The following DNAH11 variants were observed in gnomAD, a reference collection of about 807,000 sequenced individuals.
DNAH11 encodes dynein axonemal heavy chain 11.
A neutral mutation model predicts 526.0 loss-of-function variants in DNAH11; 442 were observed. That is an observed-to-expected ratio of 0.84 (90% CI 0.78 to 0.91). DNAH11 has a LOEUF of 0.91. DNAH11 is among the 40% of genes least tolerant of loss of function. The pLI, the probability that DNAH11 is intolerant of heterozygous loss-of-function variation, is 0.00. For synonymous variants in DNAH11, 2,461 were observed against 1,935.9 expected (o/e 1.27, Z -7.12); for missense variants, 6,989 against 5,448.7 (o/e 1.28, Z -8.90).
rs568461642 is a variant in DNAH11, at chr7:21,545,031, T to C, written c.377T>C (p.Leu126Pro). 1 of 1,594,318 alleles carries C rather than the reference T, an allele frequency of 6.3e-7. No individual in the cohort carries two copies. Among genetic ancestry groups the C allele is most frequent in the Non-Finnish European group, 8.5e-7 (1 of 1,169,872 alleles). ...ATTCCAAGAGATGCAAACCATAAACTTGTTTTTATTTCCAAGAAGATTACT... is the reference window on the plus strand; with the variant it reads ...ATTCCAAGAGATGCAAACCATAAACCTGTTTTTATTTCCAAGAAGATTACT... ...QEIPRDANHK[L>P]VFISKKITES... Residue 126 changes from leucine (L) to proline (P), a missense_variant, in exon 2 of 82, where the codon CTT (leucine) becomes CCT (proline). Leu to Pro is a moderately conservative substitution (Grantham distance 98). Transcript: ENST00000409508.
chr7:21,570,066 T>C lies in DNAH11; in HGVS notation c.1195-3T>C. ...ATCATTGTTCCCTTTCATTAAATCC[T>C]AGGCAACAGCTTACCTTTCACCTGA... is the stretch of plus-strand genomic sequence containing the variant. On this transcript the variant is annotated splice_region_variant and splice_polypyrimidine_tract_variant and intron_variant, in intron 6 of 81. Coordinates refer to ENST00000409508, the MANE Select transcript of DNAH11 (RefSeq NM_001277115.2). 2.5e-6 allele frequency: 4 copies of C among 1,589,368 alleles called. No homozygotes were observed. Among genetic ancestry groups the C allele is most frequent in the Non-Finnish European group, 3.4e-6 (4 of 1,167,962 alleles).
chr7:21,789,260 CA>C lies in DNAH11; in HGVS notation c.9948del (p.Lys3316AsnfsTer5). On this transcript the variant is annotated frameshift_variant, in exon 61 of 82. Transcript: ENST00000409508. LOFTEE classifies it high-confidence loss of function. ...TTTCAGGTCTACTGTGATGTGGAGC[CA>C]AAACGCCAAGCATTAGCCCAAGCAA... The part of the protein sequence containing the change: ...KFYEVYCDVE[P>X]KRQALAQANL... The C allele has an allele frequency of 6.4e-7, 1 of 1,572,886 alleles. No homozygotes were observed. Among genetic ancestry groups the C allele is most frequent in the Admixed American group, 1.9e-5 (1 of 53,884 alleles).
intron 70 of DNAH11, among the ~76,000 whole-genome samples, chr7:21,865,921 C>G (rs998558527): frequency 1.3e-5 from 2 of 152,154 alleles, no homozygotes; most frequent in Non-Finnish European, 2.9e-5. Flanking sequence ...GTTACCATGG[C>G]ATTTGTAAAC....
chr7:21,883,270 C>T (rs1783993240), intron 75 of DNAH11, among the ~76,000 whole-genome samples: 1 of 152,130 alleles, frequency 6.6e-6, no homozygotes, highest in Non-Finnish European at 1.5e-5. Flanking sequence ...ATACTGCCCC[C>T]GAAGGTGTAA....
intron 6 of DNAH11, among the ~76,000 whole-genome samples, chr7:21,567,498 A>G (rs987164990): frequency 1.3e-5 from 2 of 152,172 alleles, no homozygotes; most frequent in African/African-American, 4.8e-5. Flanking sequence ...AATTGGATAG[A>G]TCTCATTTAA....
intron 57 of DNAH11, among the ~76,000 whole-genome samples, chr7:21,782,146 C>G (rs1468186521): frequency 6.6e-6 from 1 of 152,178 alleles, no homozygotes; most frequent in Non-Finnish European, 1.5e-5. Context: ...TCTCTTTATT[C>G]TCTCCCTGTG....
At chr7:21,877,676 T>C (rs996623520) in intron 74 of DNAH11, among the ~76,000 whole-genome samples, 3 of 151,646 alleles carry the variant, frequency 2.0e-5, no homozygotes, top group Non-Finnish European at 4.4e-5. Flanking sequence ...GAGATTGAGA[T>C]CATCCTGGCT....
intron 68 of DNAH11, among the ~76,000 whole-genome samples, chr7:21,857,094 C>A (rs563904523): frequency 6.6e-6 from 1 of 152,174 alleles, no homozygotes; most frequent in East Asian, 1.9e-4. Context: ...CAAAACCCTG[C>A]CAGGACTAAG....
chr7:21,721,459 A>C (rs182810826), intron 44 of DNAH11, among the ~76,000 whole-genome samples: 1 of 152,222 alleles, frequency 6.6e-6, no homozygotes, highest in Non-Finnish European at 1.5e-5. Context: ...AATACCACAA[A>C]TTGGGTGACT....
At position 21,842,681 on chromosome 7, in the gene DNAH11, A is replaced by T. The variant is rs373667589; in HGVS notation, c.10829A>T (p.Asp3610Val). ...TTLLNFTVTE[D>V]GLEAQLLAEV... ...CTCCTCAATTTCACAGTCACAGAAG[A>T]TGGTCTAGAAGCCCAGCTGCTGGCA... The change falls in exon 66 of 82, where the codon GAT (aspartate) becomes GTT (valine). Residue 3610 changes from aspartate to valine, a missense_variant. By Grantham distance (152) the Asp-to-Val change is radical (BLOSUM62 -3). Coordinates refer to ENST00000409508, the MANE Select transcript of DNAH11 (RefSeq NM_001277115.2). 6.2e-6 allele frequency: 10 copies of T among 1,613,888 alleles called. No individual in the cohort carries two copies. In the East Asian group the frequency reaches 2.2e-4, roughly 36 times the overall value.
intron 65 of DNAH11, among the ~76,000 whole-genome samples, chr7:21,819,601 T>A (rs1171633321): frequency 2.6e-5 from 4 of 152,202 alleles, no homozygotes; most frequent in Non-Finnish European, 5.9e-5. Context: ...AAAATTTTTA[T>A]CAGTGAAATG....
At chr7:21,573,091 T>G (rs576291469) in intron 8 of DNAH11, among the ~76,000 whole-genome samples, 4 of 152,202 alleles carry the variant, frequency 2.6e-5, no homozygotes, top group Non-Finnish European at 4.4e-5. Context: ...TTGTTATAAT[T>G]ACAAAAACTG....
rs1179665596 is a variant in DNAH11, at chr7:21,639,037, T to G, written c.4916T>G (p.Ile1639Ser). 2 of 1,613,656 alleles carry G rather than the reference T, an allele frequency of 1.2e-6. No homozygotes were observed. Among genetic ancestry groups the G allele is most frequent in the Non-Finnish European group, 1.7e-6 (2 of 1,179,692 alleles). Residue 1639 changes from isoleucine (I) to serine (S), a missense_variant, in exon 28 of 82, where the codon ATT (isoleucine) becomes AGT (serine). Physicochemically the swap from Ile to Ser is moderately radical, Grantham distance 142. Transcript: ENST00000409508. ...GTCTCTTCTGCTGATTTACTTGACA[T>G]TCTCTCAAAAGGAGCTCAGCCTAAA... is the stretch of plus-strand genomic sequence containing the variant. ...YFVSSADLLD[I>S]LSKGAQPKQV...
At chr7:21,889,570 ATTT>A (rs370713682) in intron 76 of DNAH11, among the ~76,000 whole-genome samples, 139 of 152,184 alleles carry the variant, frequency 9.1e-4, no homozygotes, top group African/African-American at 2.9e-3. Flanking sequence ...TACTGTCCAC[ATTT>A]TTTTATTTTA....
At chr7:21,602,557 TTGTG>T (rs60703018) in intron 18 of DNAH11, among the ~76,000 whole-genome samples, 15,759 of 148,906 alleles carry the variant, frequency 0.11, 878 homozygotes, top group African/African-American at 0.14. Context: ...ATTTTATAGA[TTGTG>T]TGTGTGTGTG....
intron 45 of DNAH11, 84 bp from the exon 46 acceptor site, chr7:21,735,556 T>C (rs1785564968): frequency 1.7e-6 from 2 of 1,151,870 alleles, no homozygotes; most frequent in Non-Finnish European, 2.5e-6. Context: ...GTGTTGAGTT[T>C]GATATAAAAT....
Position 21,900,995 on chromosome 7 carries a change from T to G in DNAH11, c.13304-12T>G. On this transcript the variant is annotated splice_polypyrimidine_tract_variant and intron_variant, in intron 81 of 81. Coordinates refer to ENST00000409508, the MANE Select transcript of DNAH11 (RefSeq NM_001277115.2). ...CTGCCACACAATTGCAACCGCTGTG[T>G]TTTTGCCATAGGCGCCCGCTGGGAC... The G allele has an allele frequency of 6.4e-7, 1 of 1,572,196 alleles. No individual in the cohort carries two copies. The highest frequency in any genetic ancestry group is 8.6e-7 in the Non-Finnish European group (1 of 1,159,454).
At chr7:21,893,431 G>A (rs1328965048) in intron 77 of DNAH11, among the ~76,000 whole-genome samples, 7 of 152,122 alleles carry the variant, frequency 4.6e-5, no homozygotes, top group Non-Finnish European at 7.3e-5. Flanking sequence ...GCTTATGGCC[G>A]TTTGGATATA....
intron 68 of DNAH11, 127 bp downstream of exon 68, chr7:21,854,582 C>G (rs1168039939): frequency 4.7e-6 from 5 of 1,058,518 alleles, no homozygotes; most frequent in Non-Finnish European, 6.5e-6. Context: ...CAGAGTCTCA[C>G]TCTGTAGCCC....
Sources: gnomAD v4.1 joint callset for allele counts (sites outside exome capture counted in the v4.1 genomes callset) on GRCh38, gnomAD v4.1.1 for gene constraint, MANE v1.5 for transcripts, NCBI Gene and HGNC (gene_info 2026-07-23, HGNC 2026-07-21) for gene names.